The following LRRC4C variants were observed in gnomAD, a reference collection of about 807,000 sequenced individuals.
LRRC4C encodes the protein leucine-rich repeat-containing protein 4C.
A neutral mutation model predicts 33.6 loss-of-function variants in LRRC4C; 5 were observed. The ratio of observed to expected loss-of-function variants is 0.15; its 90% CI spans 0.08 to 0.31. The LOEUF (loss-of-function observed/expected upper bound fraction) is 0.31. Among genes scored for constraint, LRRC4C ranks in the 10% least tolerant of loss-of-function variants. The pLI is 1.00. For synonymous variants in LRRC4C, 329 were observed against 302.0 expected (o/e 1.09, Z -0.93); for missense variants, 560 against 796.7 (o/e 0.70, Z 3.58).
chr11:40,593,079 G>A (rs1172019065), intron 3 of LRRC4C, among the ~76,000 whole-genome samples: 1 of 152,150 alleles, frequency 6.6e-6, no homozygotes, highest in African/African-American at 2.4e-5. Flanking sequence ...GGCAAGCCAA[G>A]CACAGCCTCT....
chr11:40,909,983 T>C (rs1416301674), intron 2 of LRRC4C, among the ~76,000 whole-genome samples: 1 of 152,180 alleles, frequency 6.6e-6, no homozygotes, highest in Non-Finnish European at 1.5e-5. Flanking sequence ...TTCCCTATTT[T>C]TCCTTCATGT....
intron 1 of LRRC4C, among the ~76,000 whole-genome samples, chr11:41,343,833 T>C (rs1195539926): frequency 6.6e-6 from 1 of 152,198 alleles, no homozygotes; most frequent in Non-Finnish European, 1.5e-5. Flanking sequence ...AATAAGTCAA[T>C]TGTTATCCCA....
chr11:40,463,649 CAT>C (rs1346172127), intron 3 of LRRC4C, among the ~76,000 whole-genome samples: 1 of 151,980 alleles, frequency 6.6e-6, no homozygotes, highest in Non-Finnish European at 1.5e-5. Context: ...AATATTCTAA[CAT>C]ATGCATTATG....
intron 2 of LRRC4C, among the ~76,000 whole-genome samples, chr11:40,812,679 T>C (rs1565091511): frequency 6.6e-6 from 1 of 152,034 alleles, no homozygotes; most frequent in Non-Finnish European, 1.5e-5. Context: ...ATAGGAAAAA[T>C]AGACTCTAAT....
chr11:41,166,280 T>C (rs527578209), intron 1 of LRRC4C, among the ~76,000 whole-genome samples: 7 of 152,294 alleles, frequency 4.6e-5, no homozygotes, highest in Admixed American at 3.9e-4. Flanking sequence ...ACCACACATA[T>C]TTAACTGTAT....
intron 1 of LRRC4C, among the ~76,000 whole-genome samples, chr11:41,311,477 A>G (rs1285670243): frequency 2.0e-5 from 3 of 152,206 alleles, no homozygotes; most frequent in Non-Finnish European, 4.4e-5. Flanking sequence ...CATCACATAA[A>G]CTACTTATAA....
chr11:40,588,359 TTC>T (rs1340411758), intron 3 of LRRC4C, among the ~76,000 whole-genome samples: 1 of 152,198 alleles, frequency 6.6e-6, no homozygotes, highest in Non-Finnish European at 1.5e-5. Context: ...TATTTGATTA[TTC>T]TCTCTTTTTT....
chr11:40,422,109 T>G (rs992106552), intron 3 of LRRC4C, among the ~76,000 whole-genome samples: 1 of 152,218 alleles, frequency 6.6e-6, no homozygotes, highest in Non-Finnish European at 1.5e-5. Context: ...TATAAAGAGT[T>G]TAGTTCCTGA....
chr11:40,722,793 A>T (rs570243371), intron 2 of LRRC4C, among the ~76,000 whole-genome samples: 2 of 152,304 alleles, frequency 1.3e-5, no homozygotes, highest in East Asian at 1.9e-4. Flanking sequence ...AGAATTCAGA[A>T]TCTTGATGGC....
chr11:40,508,131 A>C (rs2138690523), intron 3 of LRRC4C, among the ~76,000 whole-genome samples: 1 of 152,278 alleles, frequency 6.6e-6, no homozygotes. Context: ...CAAATAACAA[A>C]ATCATGCAAT....
chr11:40,890,816 A>C (rs1955669604), intron 2 of LRRC4C, among the ~76,000 whole-genome samples: 1 of 152,178 alleles, frequency 6.6e-6, no homozygotes, highest in Non-Finnish European at 1.5e-5. Context: ...TAAATGTGTC[A>C]GTCTCAATTG....
At chr11:40,623,605 A>T (rs773140723) in intron 3 of LRRC4C, among the ~76,000 whole-genome samples, 39 of 152,054 alleles carry the variant, frequency 2.6e-4, no homozygotes, top group Non-Finnish European at 4.6e-4. Context: ...TTTATTTCTG[A>T]CTAGCAAAAT....
rs571161458 is a variant in LRRC4C at position 41,082,372 on chromosome 11, AATG to A, written c.-495-148652_-495-148650del. Among the ~76,000 whole-genome samples the A allele has an allele frequency of 3.3e-3, 503 of 151,748 alleles. 2 individuals are homozygous for A. Among genetic ancestry groups the A allele is most frequent in the African/African-American group, 0.011 (463 of 41,382 alleles). Reference sequence around the variant, plus strand: ...GCAGCATTGAATGTAGCTGACCTGGAATGATATTAGAGATAGCAGTGACTGGCA... The same window carrying A: ...GCAGCATTGAATGTAGCTGACCTGGAATATTAGAGATAGCAGTGACTGGCA... On this transcript the variant is annotated intron_variant, in intron 1 of 6. Coordinates refer to ENST00000528697, the MANE Select transcript of LRRC4C (RefSeq NM_001258419.2).
chr11:40,859,660 A>G (rs1385468976), intron 2 of LRRC4C, among the ~76,000 whole-genome samples: 1 of 152,208 alleles, frequency 6.6e-6, no homozygotes, highest in East Asian at 1.9e-4. Context: ...AAATGTTTCT[A>G]GCAGAATTTT....
intron 1 of LRRC4C, among the ~76,000 whole-genome samples, chr11:40,943,233 C>T (rs534336338): frequency 2.4e-4 from 37 of 152,252 alleles, no homozygotes; most frequent in African/African-American, 7.9e-4. Context: ...ACACTTACAA[C>T]GTTTTGTTCT....
chr11:41,156,587 AC>A (rs1944242142), intron 1 of LRRC4C, among the ~76,000 whole-genome samples: 2 of 152,146 alleles, frequency 1.3e-5, no homozygotes, highest in Admixed American at 1.3e-4. Context: ...ATATCAATGA[AC>A]AAAACAGAAA....
intron 1 of LRRC4C, among the ~76,000 whole-genome samples, chr11:41,241,815 T>G (rs975269013): frequency 6.6e-6 from 1 of 152,168 alleles, no homozygotes; most frequent in Middle Eastern, 3.2e-3. Context: ...TAGAAATGGT[T>G]TCTTTTCTCT....
At chr11:40,477,870 C>T (rs1348909411) in intron 3 of LRRC4C, among the ~76,000 whole-genome samples, 1 of 152,134 alleles carries the variant, frequency 6.6e-6, no homozygotes, top group Non-Finnish European at 1.5e-5. Context: ...CCATAATTCC[C>T]ACGTGTTATG....
At chr11:41,302,208 A>G (rs1176054822) in intron 1 of LRRC4C, among the ~76,000 whole-genome samples, 1 of 152,218 alleles carries the variant, frequency 6.6e-6, no homozygotes, top group African/African-American at 2.4e-5. Flanking sequence ...ATAATAGGTT[A>G]TAACAGAAAT....
Sources: allele counts gnomAD v4.1 joint callset (sites outside exome capture counted in the v4.1 genomes callset), GRCh38; gene constraint gnomAD v4.1.1; transcripts MANE v1.5; gene names NCBI Gene and HGNC (gene_info 2026-07-23, HGNC 2026-07-21).